The following RTKN2 variants were observed in gnomAD, a reference collection of about 807,000 sequenced individuals.
RTKN2 encodes rhotekin 2, also known as rhotekin-2.
Under a neutral mutation model 71.5 loss-of-function variants are expected in RTKN2, and 69 were observed. The observed-to-expected ratio is 0.96, with a 90% CI of 0.79 to 1.18. The LOEUF is 1.18. RTKN2 is among the 50% of genes most tolerant of loss of function. The pLI is 0.00. For missense variants in RTKN2, 724 were observed against 719.7 expected, an observed-to-expected ratio of 1.01 and a Z score of -0.07; for synonymous variants, 236 against 236.5, an observed-to-expected ratio of 1.00 and a Z score of 0.02.
chr10:62,236,461 G>A (rs1202248169), intron 5 of RTKN2, among the ~76,000 whole-genome samples, 198 bp from the exon 6 acceptor site: 1 of 151,956 alleles, frequency 6.6e-6, no homozygotes, highest in African/African-American at 2.4e-5. Flanking sequence ...GTTGACGAGG[G>A]TATGGAGAAA....
chr10:62,249,052 T>A (rs1244044307), intron 2 of RTKN2, among the ~76,000 whole-genome samples: 1 of 152,128 alleles, frequency 6.6e-6, no homozygotes, highest in Non-Finnish European at 1.5e-5. Flanking sequence ...TTCATAAATA[T>A]CTTAAAAATA....
rs1350502252 is a variant in RTKN2, at chr10:62,193,554, C to G, written c.*4354G>C. 1.0e-6 allele frequency: 1 copy of G among 981,008 alleles called. No individual in the cohort carries two copies. The highest frequency in any genetic ancestry group is 1.8e-5 in the African/African-American group (1 of 57,088). The allele number at this position is 981,008 out of a possible 1,614,324, so 60.8% of individuals were successfully genotyped here. On this transcript the variant is annotated 3_prime_UTR_variant, in exon 12 of 12. Transcript: ENST00000373789. ...TTTTTTAATTTTAAATATTTCTGATCACACTACAGATTTAGAAATAAAATG... is the reference window on the plus strand; with the variant it reads ...TTTTTTAATTTTAAATATTTCTGATGACACTACAGATTTAGAAATAAAATG...
At chr10:62,225,868 G>A (rs999233888) in intron 6 of RTKN2, among the ~76,000 whole-genome samples, 3 of 149,776 alleles carry the variant, frequency 2.0e-5, no homozygotes, top group Non-Finnish European at 4.4e-5. Flanking sequence ...TGCAAGCTCC[G>A]CCTTCCGGGT....
At chr10:62,224,536 G>A (rs1841978627) in intron 6 of RTKN2, among the ~76,000 whole-genome samples, 1 of 151,772 alleles carries the variant, frequency 6.6e-6, no homozygotes, top group Non-Finnish European at 1.5e-5. Flanking sequence ...CTAGGTGATG[G>A]GCATTCAATG....
At chr10:62,230,749 C>T (rs958168033) in intron 6 of RTKN2, among the ~76,000 whole-genome samples, 8 of 152,014 alleles carry the variant, frequency 5.3e-5, no homozygotes, top group African/African-American at 1.7e-4. Flanking sequence ...GAAAGAGAGC[C>T]CCAGTGTATC....
At chr10:62,237,168 T>C (rs1842276448) in intron 5 of RTKN2, among the ~76,000 whole-genome samples, 1 of 151,990 alleles carries the variant, frequency 6.6e-6, no homozygotes, top group African/African-American at 2.4e-5. Context: ...GTTAATCTGT[T>C]TGATTATAGT....
At chr10:62,249,962 A>G (rs1842548140) in intron 2 of RTKN2, among the ~76,000 whole-genome samples, 1 of 152,196 alleles carries the variant, frequency 6.6e-6, no homozygotes, top group Admixed American at 6.5e-5. Context: ...TTATTTTCAC[A>G]CATTCTACAA....
intron 4 of RTKN2, among the ~76,000 whole-genome samples, chr10:62,240,019 A>G (rs1007999199): frequency 2.8e-4 from 43 of 152,240 alleles, no homozygotes; most frequent in African/African-American, 1.0e-3. Flanking sequence ...AGAAACCACC[A>G]AACTCATAAA....
At chr10:62,240,936 A>G (rs2133007732) in intron 4 of RTKN2, among the ~76,000 whole-genome samples, 2 of 152,314 alleles carry the variant, frequency 1.3e-5, no homozygotes, top group South Asian at 4.1e-4. Context: ...ATCAACAACT[A>G]AAAGTACACT....
intron 6 of RTKN2, among the ~76,000 whole-genome samples, chr10:62,227,284 T>C (rs1276112394): frequency 2.6e-5 from 4 of 152,090 alleles, no homozygotes; most frequent in African/African-American, 7.2e-5. Flanking sequence ...AAGTAAAGCA[T>C]GGTGAAGGGA....
At chr10:62,206,162 G>T (rs953482404) in intron 9 of RTKN2, among the ~76,000 whole-genome samples, 2 of 152,108 alleles carry the variant, frequency 1.3e-5, no homozygotes, top group South Asian at 2.1e-4. Flanking sequence ...CAGCCATATT[G>T]TAAGTGTCTA....
Position 62,196,192 on chromosome 10 carries a change from T to A in RTKN2, c.*1716A>T, listed in dbSNP as rs907288440. The A allele has an allele frequency of 1.0e-6, 1 of 976,536 alleles. No individual in the cohort carries two copies. Among genetic ancestry groups the A allele is most frequent in the African/African-American group, 1.8e-5 (1 of 57,134 alleles). The allele number at this position is 976,536 out of a possible 1,614,324, so 60.5% of individuals were successfully genotyped here. On this transcript the variant is annotated 3_prime_UTR_variant, in exon 12 of 12. Transcript: ENST00000373789. ...AAAAATAACCCAAAAATTCAAACAA[T>A]AATATCCTTTAGATTTTTAATGTCA...
intron 10 of RTKN2, among the ~76,000 whole-genome samples, chr10:62,204,461 G>A (rs1271685248): frequency 6.6e-6 from 1 of 152,156 alleles, no homozygotes; most frequent in Admixed American, 6.5e-5. Context: ...GCTACAAAGT[G>A]AGACTCCTGA....
intron 2 of RTKN2, 131 bp from the exon 3 acceptor site, chr10:62,246,188 A>T (rs1589376627): frequency 3.4e-6 from 2 of 596,946 alleles, no homozygotes; most frequent in Non-Finnish European, 2.9e-6. Context: ...CAGTTAATGT[A>T]AACTATTTGA....
chr10:62,223,411 AAAT>A, intron 6 of RTKN2, 79 bp from the exon 7 acceptor site: 2 of 840,204 alleles, frequency 2.4e-6, no homozygotes, highest in South Asian at 1.5e-5. Context: ...GTTCAACAAC[AAAT>A]AATAAACAAC....
chr10:62,208,055 GTGT>G (rs1478917969), intron 9 of RTKN2, among the ~76,000 whole-genome samples: 6 of 152,030 alleles, frequency 3.9e-5, no homozygotes, highest in Non-Finnish European at 7.4e-5. Flanking sequence ...CCATGAGATG[GTGT>G]TGTTACCTAG....
chr10:62,268,443 A>G, intron 1 of RTKN2, 108 bp downstream of exon 1: 47 of 1,074,224 alleles, frequency 4.4e-5, no homozygotes, highest in Non-Finnish European at 6.6e-5. Flanking sequence ...CACCGCTGAA[A>G]TAGAGGAGCG....
chr10:62,240,900 T>C (rs965680694), intron 4 of RTKN2, among the ~76,000 whole-genome samples: 8 of 152,212 alleles, frequency 5.3e-5, no homozygotes, highest in Admixed American at 6.5e-5. Flanking sequence ...CTGAACCCGG[T>C]ACTTACTGTC....
Position 62,217,263 on chromosome 10 carries a change from A to C in RTKN2, c.889-14T>G, listed in dbSNP as rs1325461718. The C allele has an allele frequency of 6.6e-7, 1 of 1,520,414 alleles. No homozygotes were observed. Among genetic ancestry groups the C allele is most frequent in the Non-Finnish European group, 8.8e-7 (1 of 1,135,694 alleles). The allele number at this position is 1,520,414 out of a possible 1,614,324, so 94.2% of individuals were successfully genotyped here. On this transcript the variant is annotated splice_polypyrimidine_tract_variant and intron_variant, in intron 8 of 11. Transcript: ENST00000373789. ...TTCTACCATTTGCTGAAAAAAAAAA[A>C]AAAAAAATCAAGAGACTATCAATTT...
Sources: allele counts gnomAD v4.1 joint callset (sites outside exome capture counted in the v4.1 genomes callset), GRCh38; gene constraint gnomAD v4.1.1; transcripts MANE v1.5; gene names NCBI Gene and HGNC (gene_info 2026-07-23, HGNC 2026-07-21).